The following TENM2 variants were observed in gnomAD, a reference collection of about 807,000 sequenced individuals.
TENM2 encodes teneurin-2.
A neutral mutation model predicts 245.2 loss-of-function variants in TENM2; 52 were observed. The observed-to-expected ratio is 0.21, with a 90% CI of 0.17 to 0.27. TENM2 has a LOEUF of 0.27. TENM2 is among the 10% of genes least tolerant of loss of function. The pLI is 1.00. For missense variants in TENM2, 3,046 were observed against 3,666.8 expected (o/e 0.83, Z 4.37); for synonymous variants, 1,363 against 1,438.9 (o/e 0.95, Z 1.19).
chr5:167,141,699 T>C, the TENM2 span, among the ~76,000 whole-genome samples: 1 of 152,154 alleles, frequency 6.6e-6, no homozygotes. Flanking sequence ...GCTTTTTCAT[T>C]CCCCCTTTAT....
intron 2 of TENM2, among the ~76,000 whole-genome samples, chr5:167,537,024 C>CA (rs1024389489): frequency 4.5e-4 from 68 of 149,942 alleles, no homozygotes; most frequent in East Asian, 4.5e-3. Context: ...GACTCCATCT[C>CA]AAAAAAAAAG....
At chr5:167,206,084 T>C in the TENM2 span, among the ~76,000 whole-genome samples, 1 of 152,166 alleles carries the variant, frequency 6.6e-6, no homozygotes, top group Non-Finnish European at 1.5e-5. Flanking sequence ...CTGTGGAACA[T>C]ATTCATTGAC....
the TENM2 span, among the ~76,000 whole-genome samples, chr5:167,132,945 C>T: frequency 6.6e-6 from 1 of 152,258 alleles, no homozygotes; most frequent in South Asian, 2.1e-4. Flanking sequence ...TCTTAGGACA[C>T]TGAATGTGTC....
the TENM2 span, among the ~76,000 whole-genome samples, chr5:167,220,603 A>G: frequency 6.6e-6 from 1 of 152,166 alleles, no homozygotes; most frequent in Non-Finnish European, 1.5e-5. Flanking sequence ...TGCATCACGT[A>G]TAGGTGCATG....
intron 3 of TENM2, among the ~76,000 whole-genome samples, chr5:167,930,632 G>T (rs1370677241): frequency 6.6e-6 from 1 of 151,894 alleles, no homozygotes; most frequent in Non-Finnish European, 1.5e-5. Context: ...ATGCCACTAT[G>T]CCAGCTATTA....
the TENM2 span, among the ~76,000 whole-genome samples, chr5:167,248,193 C>A: frequency 6.6e-6 from 1 of 152,018 alleles, no homozygotes; most frequent in Non-Finnish European, 1.5e-5. Context: ...TGTAAGAGTT[C>A]TTTTTTGTTT....
At chr5:168,190,655 C>A (rs1760872358) in intron 14 of TENM2, 108 bp downstream of exon 16, 2 of 965,164 alleles carry the variant, frequency 2.1e-6, no homozygotes, top group Non-Finnish European at 3.1e-6. Context: ...CTGGAATCTG[C>A]CCCCCTAGAG....
the TENM2 span, among the ~76,000 whole-genome samples, chr5:167,039,006 G>A: frequency 6.6e-6 from 1 of 152,264 alleles, no homozygotes; most frequent in South Asian, 2.1e-4. Flanking sequence ...ATAGGGGCAA[G>A]GGGCATATTT....
In TENM2 at chr5:167,397,760, C is replaced by T. The variant is rs115508431; in HGVS notation, c.502+22287C>T. On this transcript the variant is annotated intron_variant, in intron 2 of 28. Transcript: ENST00000518659. ...CTGCAATTTGAAGATACCAGAATAGCAACTTGATCTCATATATCTTTGTTT... is the reference window on the plus strand; with the variant it reads ...CTGCAATTTGAAGATACCAGAATAGTAACTTGATCTCATATATCTTTGTTT... Among the ~76,000 whole-genome samples, 754 of 152,244 alleles carry T rather than the reference C, an allele frequency of 5.0e-3. 8 individuals carry two copies. The highest frequency in any genetic ancestry group is 0.017 in the African/African-American group (726 of 41,558).
the TENM2 span, among the ~76,000 whole-genome samples, chr5:167,227,134 G>A: frequency 6.6e-6 from 1 of 151,730 alleles, no homozygotes; most frequent in Non-Finnish European, 1.5e-5. Flanking sequence ...CATTCAGCGA[G>A]TCTATATCTT....
the TENM2 span, among the ~76,000 whole-genome samples, chr5:167,105,204 T>G: frequency 6.6e-6 from 1 of 152,182 alleles, no homozygotes; most frequent in African/African-American, 2.4e-5. Context: ...AGTCTATAAT[T>G]TTTGACTTAA....
the TENM2 span, among the ~76,000 whole-genome samples, chr5:167,051,777 TCAAAA>T: frequency 6.6e-6 from 1 of 152,064 alleles, no homozygotes; most frequent in Non-Finnish European, 1.5e-5. Context: ...TAGGATATTC[TCAAAA>T]CAAATTAGTT....
chr5:167,638,111 G>A (rs892139259), intron 2 of TENM2, among the ~76,000 whole-genome samples: 4 of 147,142 alleles, frequency 2.7e-5, no homozygotes, highest in African/African-American at 1.1e-4. Context: ...GTGTGTGTGT[G>A]TGTGTGTGTG....
chr5:167,816,748 C>A (rs2151017843), intron 2 of TENM2, among the ~76,000 whole-genome samples: 1 of 152,218 alleles, frequency 6.6e-6, no homozygotes, highest in Non-Finnish European at 1.5e-5. Context: ...CAAAGAAAGA[C>A]CTGTGTTTTA....
intron 3 of TENM2, among the ~76,000 whole-genome samples, chr5:167,907,540 T>TATATAC (rs1199136827): frequency 5.9e-5 from 4 of 67,274 alleles, no homozygotes; most frequent in Admixed American, 5.0e-4. Context: ...TATATATATA[T>TATATAC]ATATATATAT....
At chr5:167,040,255 T>G in the TENM2 span, among the ~76,000 whole-genome samples, 4 of 152,054 alleles carry the variant, frequency 2.6e-5, no homozygotes, top group African/African-American at 9.7e-5. Flanking sequence ...AATTTCAGTG[T>G]AGTGCTCAGA....
At chr5:167,103,100 A>G in the TENM2 span, among the ~76,000 whole-genome samples, 4,026 of 152,318 alleles carry the variant, frequency 0.026, 183 homozygotes, top group African/African-American at 0.091. Flanking sequence ...CCAATGTACA[A>G]ATAATATATT....
At chr5:167,101,692 G>A in the TENM2 span, among the ~76,000 whole-genome samples, 1 of 151,376 alleles carries the variant, frequency 6.6e-6, no homozygotes, top group Non-Finnish European at 1.5e-5. Context: ...CTGACATGCT[G>A]TGAAACCCCA....
chr5:168,146,983 T>G (rs1756145898), intron 12 of TENM2, among the ~76,000 whole-genome samples: 1 of 152,218 alleles, frequency 6.6e-6, no homozygotes, highest in Non-Finnish European at 1.5e-5. Context: ...TCCTTGGTGA[T>G]GGAGGACAAT....
Sources: gnomAD v4.1 joint callset for allele counts (sites outside exome capture counted in the v4.1 genomes callset) on GRCh38, gnomAD v4.1.1 for gene constraint, MANE v1.5 for transcripts, NCBI Gene and HGNC (gene_info 2026-07-23, HGNC 2026-07-21) for gene names.